SLCO6A1: variants seen among roughly 807,000 people sequenced by gnomAD.
SLCO6A1 encodes the protein cancer/testis antigen 48.
Under a neutral mutation model 72.7 loss-of-function variants are expected in SLCO6A1, and 65 were observed. The ratio of observed to expected loss-of-function variants is 0.89; its 90% CI spans 0.73 to 1.10. The LOEUF (loss-of-function observed/expected upper bound fraction) is 1.10. Among genes scored for constraint, SLCO6A1 ranks in the 50% least tolerant of loss-of-function variants. The pLI, the probability that SLCO6A1 is intolerant of heterozygous loss-of-function variation, is 0.00. For synonymous variants in SLCO6A1, 314 were observed against 298.2 expected (o/e 1.05, Z -0.55); for missense variants, 874 against 872.6 (o/e 1.00, Z -0.02).
At chr5:102,469,199 C>A (rs556852720) in intron 4 of SLCO6A1, among the ~76,000 whole-genome samples, 20 of 151,872 alleles carry the variant, frequency 1.3e-4, no homozygotes, top group African/African-American at 2.9e-4. Flanking sequence ...TTCTGTGAAG[C>A]AAGTCATTGG....
chr5:102,391,405 T>C lies in SLCO6A1; in HGVS notation c.1815-360A>G, dbSNP rs1157353102. ...ATTATTTTAGAGTTCTTTTTGCCCC[T>C]GTGAGATTCACTCTCCACATTTTTC... On this transcript the variant is annotated intron_variant, in intron 10 of 13. Transcript: ENST00000506729. Among the ~76,000 whole-genome samples, 4 of 152,244 alleles carry C rather than the reference T, an allele frequency of 2.6e-5. No homozygotes were observed. In the East Asian group the frequency reaches 7.7e-4, roughly 29 times the overall value.
At chr5:102,484,666 T>C (rs986774496) in intron 1 of SLCO6A1, among the ~76,000 whole-genome samples, 1 of 152,056 alleles carries the variant, frequency 6.6e-6, no homozygotes, top group African/African-American at 2.4e-5. Flanking sequence ...AAAGGTCATA[T>C]TATTTTTGTA....
At position 102,384,680 on chromosome 5, in the gene SLCO6A1, T is replaced by C. The variant is rs143375273; in HGVS notation, c.2017+4008A>G. 2.3e-4 allele frequency among the ~76,000 whole-genome samples: 35 copies of C among 152,290 alleles called. No homozygotes were observed. The East Asian group carries it at 6.4e-3, about 28-fold the overall frequency. ...TTTACTTAACATATTACTGTAGCTA[T>C]AGTTATTTTTTCATACTTTTGTTGA... On this transcript the variant is annotated intron_variant, in intron 12 of 13. Transcript: ENST00000506729.
At chr5:102,397,380 A>G (rs982443173) in intron 10 of SLCO6A1, among the ~76,000 whole-genome samples, 3 of 152,170 alleles carry the variant, frequency 2.0e-5, no homozygotes, top group African/African-American at 7.2e-5. Context: ...AGACTTAAAT[A>G]TGACTTCTAT....
chr5:102,460,333 C>A (rs1010761699), intron 4 of SLCO6A1, among the ~76,000 whole-genome samples: 2 of 152,088 alleles, frequency 1.3e-5, no homozygotes, highest in African/African-American at 2.4e-5. Context: ...CCCTTAGGAC[C>A]CTTTGCTGTC....
chr5:102,391,004 C>A lies in SLCO6A1; in HGVS notation c.1856G>T (p.Ser619Ile). 1 of 1,613,582 alleles carries A rather than the reference C, an allele frequency of 6.2e-7. No individual in the cohort carries two copies. The highest frequency in any genetic ancestry group is 1.3e-5 in the African/African-American group (1 of 75,014). Residue 619 changes from serine (S) to isoleucine (I), a missense_variant, in exon 11 of 14, where the codon AGC becomes ATC. Transcript: ENST00000506729. ...DKLRSLALGV[S>I]YVILRIFGTI... The stretch of plus-strand genomic sequence containing the variant: ...ACCAAATATTCTCAAAATCACATAG[C>A]TTACACCCAAGGCCAGAGAACGCAG...
chr5:102,468,897 C>A (rs558484800), intron 4 of SLCO6A1, among the ~76,000 whole-genome samples: 62 of 152,268 alleles, frequency 4.1e-4, no homozygotes, highest in Non-Finnish European at 8.8e-4. Context: ...GTTTTCCCAG[C>A]ACCATTTATT....
intron 1 of SLCO6A1, among the ~76,000 whole-genome samples, chr5:102,493,179 C>T (rs933183838): frequency 1.4e-5 from 2 of 147,558 alleles, no homozygotes; most frequent in Admixed American, 6.7e-5. Flanking sequence ...AAACTATTAC[C>T]TGTTACTAAA....
chr5:102,380,450 A>G (rs1268982659), intron 12 of SLCO6A1, among the ~76,000 whole-genome samples: 1 of 152,024 alleles, frequency 6.6e-6, no homozygotes, highest in Non-Finnish European at 1.5e-5. Flanking sequence ...TTTTATTAAT[A>G]TTTTGAGAAT....
chr5:102,472,094 G>T (rs1298055005), intron 4 of SLCO6A1, among the ~76,000 whole-genome samples: 1 of 152,048 alleles, frequency 6.6e-6, no homozygotes, highest in Admixed American at 6.6e-5. Context: ...GTGAAATCTA[G>T]ATAGAGTACA....
intron 1 of SLCO6A1, among the ~76,000 whole-genome samples, chr5:102,494,088 A>T: frequency 6.6e-6 from 1 of 152,188 alleles, no homozygotes; most frequent in East Asian, 1.9e-4. Context: ...GTATAGATGT[A>T]TTAGGAAAAT....
intron 1 of SLCO6A1, among the ~76,000 whole-genome samples, chr5:102,482,150 C>T (rs936203101): frequency 2.0e-5 from 3 of 151,940 alleles, no homozygotes; most frequent in East Asian, 1.9e-4. Flanking sequence ...ATTCCCCTTC[C>T]GATTGAGGCA....
At chr5:102,394,773 T>C (rs1316735058) in intron 10 of SLCO6A1, among the ~76,000 whole-genome samples, 1 of 152,052 alleles carries the variant, frequency 6.6e-6, no homozygotes, top group Non-Finnish European at 1.5e-5. Context: ...TATAGAGATA[T>C]ACATTTATAG....
At chr5:102,495,806 T>C (rs1752883212) in intron 1 of SLCO6A1, among the ~76,000 whole-genome samples, 1 of 151,876 alleles carries the variant, frequency 6.6e-6, no homozygotes, top group Admixed American at 6.6e-5. Context: ...AAAAAAGGCC[T>C]GAGTCTGGTC....
At chr5:102,489,494 C>A (rs986559317) in intron 1 of SLCO6A1, among the ~76,000 whole-genome samples, 1 of 152,072 alleles carries the variant, frequency 6.6e-6, no homozygotes, top group African/African-American at 2.4e-5. Flanking sequence ...AAATGATCAT[C>A]AGATCTATTT....
At chr5:102,421,563 C>T (rs749789330) in intron 7 of SLCO6A1, among the ~76,000 whole-genome samples, 5 of 152,144 alleles carry the variant, frequency 3.3e-5, no homozygotes, top group Non-Finnish European at 7.4e-5. Context: ...GCCAGACTGC[C>T]TCTCTTGATT....
chr5:102,372,671 C>T (rs1326124340), intron 13 of SLCO6A1, among the ~76,000 whole-genome samples: 2 of 149,350 alleles, frequency 1.3e-5, no homozygotes, highest in African/African-American at 2.5e-5. Context: ...TCAATAAAAT[C>T]CAAGTGAAGG....
chr5:102,476,290 T>C (rs756422982), intron 3 of SLCO6A1, among the ~76,000 whole-genome samples: 3 of 152,156 alleles, frequency 2.0e-5, no homozygotes, highest in East Asian at 1.9e-4. Flanking sequence ...TTTTAAGGAA[T>C]TGGCTCATAC....
rs781308354 is a variant in SLCO6A1 at position 102,480,325 on chromosome 5, G to T, written c.468C>A (p.Gly156=). ...ALEKSYDISS[G]LVAIFIAFYG... ...AGAATGCTATAAATATTGCTACCAG[G>T]CCAGATGAAATATCGTAACTCTTTT... Residue 156 remains glycine, a synonymous_variant, in exon 2 of 14, where the codon GGC becomes GGA. Transcript: ENST00000506729. 1.9e-6 allele frequency: 3 copies of T among 1,613,442 alleles called. No homozygotes were observed. The South Asian group carries it at 3.3e-5, about 18-fold the overall frequency.
Sources: gnomAD v4.1 joint callset for allele counts (sites outside exome capture counted in the v4.1 genomes callset) on GRCh38, gnomAD v4.1.1 for gene constraint, MANE v1.5 for transcripts, NCBI Gene and HGNC (gene_info 2026-07-23, HGNC 2026-07-21) for gene names.